The following TTC1 variants were observed in gnomAD, a reference collection of about 807,000 sequenced individuals.
TTC1 encodes the protein tetratricopeptide repeat domain 1, also known as tetratricopeptide repeat protein 1.
A neutral mutation model predicts 37.6 loss-of-function variants in TTC1; 31 were observed. That is an observed-to-expected ratio of 0.82 (90% CI 0.62 to 1.11). TTC1 has a LOEUF of 1.11. TTC1 is among the 50% of genes most tolerant of loss of function. The probability of loss-of-function intolerance (pLI) is 0.00; values close to 1 mark genes in which losing one functional copy is unlikely to be tolerated. For missense variants in TTC1, 351 were observed against 339.0 expected (o/e 1.04, Z -0.28); for synonymous variants, 127 against 122.4 (o/e 1.04, Z -0.25).
intron 3 of TTC1, among the ~76,000 whole-genome samples, chr5:160,036,211 A>G (rs1463833167): frequency 1.3e-5 from 2 of 152,178 alleles, no homozygotes; most frequent in Non-Finnish European, 2.9e-5. Context: ...CTCTTCAAAC[A>G]TTTCACGGAT....
At chr5:160,055,171 A>G (rs1757511036) in intron 7 of TTC1, among the ~76,000 whole-genome samples, 1 of 152,234 alleles carries the variant, frequency 6.6e-6, no homozygotes, top group Non-Finnish European at 1.5e-5. Flanking sequence ...GACATCTGTC[A>G]TCATTTGCAA....
At chr5:160,044,728 T>C (rs770792921) in intron 5 of TTC1, among the ~76,000 whole-genome samples, 11 of 152,230 alleles carry the variant, frequency 7.2e-5, no homozygotes, top group African/African-American at 2.7e-4. Context: ...CTTTGTGACC[T>C]GTATCTTGTG....
chr5:160,036,937 G>A (rs578123185), intron 4 of TTC1, 134 bp downstream of exon 4: 2 of 582,110 alleles, frequency 3.4e-6, no homozygotes, highest in South Asian at 4.6e-5. Flanking sequence ...TGATGTAAAG[G>A]CCACAGGGAG....
At chr5:160,018,920 C>T (rs1370836283) in intron 2 of TTC1, among the ~76,000 whole-genome samples, 3 of 152,140 alleles carry the variant, frequency 2.0e-5, no homozygotes, top group Non-Finnish European at 4.4e-5. Context: ...GCAGTGGATT[C>T]GATTGGCGGG....
chr5:160,050,441 T>C (rs1757371958), intron 6 of TTC1, among the ~76,000 whole-genome samples: 1 of 152,134 alleles, frequency 6.6e-6, no homozygotes, highest in Non-Finnish European at 1.5e-5. Context: ...TGTGAGACTC[T>C]GTCTTAAAAA....
intron 2 of TTC1, among the ~76,000 whole-genome samples, chr5:160,020,983 G>A (rs556645450): frequency 3.3e-5 from 5 of 152,320 alleles, no homozygotes; most frequent in East Asian, 1.9e-4. Context: ...GGTAGGGACC[G>A]CTGCTCTAAA....
intron 7 of TTC1, among the ~76,000 whole-genome samples, chr5:160,064,248 C>A (rs1007565471): frequency 6.6e-6 from 1 of 152,144 alleles, no homozygotes; most frequent in African/African-American, 2.4e-5. Context: ...GGATTACAGG[C>A]GTGAGCCACC....
chr5:160,022,989 C>G (rs1756737538), intron 2 of TTC1, among the ~76,000 whole-genome samples: 1 of 152,170 alleles, frequency 6.6e-6, no homozygotes, highest in Admixed American at 6.5e-5. Context: ...GGTGCAGTGG[C>G]TCACGCCTGT....
chr5:160,021,853 T>C (rs1244019008), intron 2 of TTC1, among the ~76,000 whole-genome samples: 2 of 152,210 alleles, frequency 1.3e-5, no homozygotes, highest in Non-Finnish European at 2.9e-5. Flanking sequence ...GCAGAAAGTT[T>C]TGTTGCATGT....
intron 6 of TTC1, 107 bp downstream of exon 6, chr5:160,049,769 T>C: frequency 1.9e-6 from 2 of 1,056,010 alleles, no homozygotes; most frequent in South Asian, 4.4e-5. Context: ...TTCTGTGCTT[T>C]TGAGGAGCTT....
intron 2 of TTC1, among the ~76,000 whole-genome samples, chr5:160,020,875 A>T (rs1756692166): frequency 6.6e-6 from 1 of 152,222 alleles, no homozygotes; most frequent in Non-Finnish European, 1.5e-5. Context: ...GTACACAATA[A>T]ATGTAATGTG....
intron 2 of TTC1, among the ~76,000 whole-genome samples, chr5:160,016,731 A>G (rs1227186945): frequency 6.6e-6 from 1 of 152,208 alleles, no homozygotes; most frequent in Non-Finnish European, 1.5e-5. Context: ...GTGCCCTACC[A>G]CAAAAGCACA....
rs1028056659 is a variant in TTC1 at position 160,023,741 on chromosome 5, T to C, written c.331-11399T>C. The C allele has an allele frequency of 5.0e-6, 8 of 1,611,482 alleles. No homozygotes were observed. In the African/African-American group the frequency reaches 1.1e-4, roughly 22 times the overall value. On this transcript the variant is annotated intron_variant, in intron 2 of 7. Transcript: ENST00000231238. The stretch of plus-strand genomic sequence containing the variant: ...TTCCACTCCTATGTGCTTCTTCTTG[T>C]GCTTCTTCTTTTTCTTCTTCTTTGC...
intron 5 of TTC1, among the ~76,000 whole-genome samples, chr5:160,046,419 G>A (rs1182623099): frequency 6.6e-6 from 1 of 151,394 alleles, no homozygotes; most frequent in Non-Finnish European, 1.5e-5. Context: ...ATTCTCCTCT[G>A]TTAGCTTTTA....
At chr5:160,055,537 A>AT (rs1305906230) in intron 7 of TTC1, among the ~76,000 whole-genome samples, 1 of 152,262 alleles carries the variant, frequency 6.6e-6, no homozygotes, top group Non-Finnish European at 1.5e-5. Flanking sequence ...TGCCCAGAAC[A>AT]TCAGCACCTG....
intron 7 of TTC1, among the ~76,000 whole-genome samples, chr5:160,059,507 G>A (rs1465965982): frequency 6.6e-6 from 1 of 152,200 alleles, no homozygotes; most frequent in Non-Finnish European, 1.5e-5. Flanking sequence ...TCTTATTCAT[G>A]TGTTCATTGA....
chr5:160,022,351 G>A (rs1385203494), intron 2 of TTC1, among the ~76,000 whole-genome samples: 1 of 152,134 alleles, frequency 6.6e-6, no homozygotes, highest in African/African-American at 2.4e-5. Flanking sequence ...ATTTTGCCAT[G>A]CTACCCAGGA....
intron 2 of TTC1, among the ~76,000 whole-genome samples, chr5:160,022,242 T>G (rs1005554484): frequency 2.0e-5 from 3 of 152,198 alleles, no homozygotes; most frequent in Non-Finnish European, 4.4e-5. Flanking sequence ...TATGTTGTAT[T>G]CACTGACCTA....
intron 7 of TTC1, chr5:160,063,737 A>C (rs993735453): frequency 6.6e-6 from 1 of 152,140 alleles, no homozygotes; most frequent in Non-Finnish European, 1.5e-5. Context: ...TCCCTGCCAA[A>C]ATTTTCTGGA....
Sources: allele counts gnomAD v4.1 joint callset (sites outside exome capture counted in the v4.1 genomes callset), GRCh38; gene constraint gnomAD v4.1.1; transcripts MANE v1.5; gene names NCBI Gene and HGNC (gene_info 2026-07-23, HGNC 2026-07-21).